Variants in CADPS observed in about 807,000 individuals in gnomAD.
CADPS encodes calcium-dependent secretion activator 1.
A neutral mutation model predicts 167.3 loss-of-function variants in CADPS; 57 were observed. That is an observed-to-expected ratio of 0.34 (90% CI 0.28 to 0.42). The LOEUF is 0.42. Ranked by LOEUF, CADPS falls within the 20% of genes least tolerant of loss-of-function variation. The pLI is 1.00. For missense variants in CADPS, 1,414 were observed against 1,738.1 expected, an observed-to-expected ratio of 0.81 and a Z score of 3.32; for synonymous variants, 676 against 635.3, an observed-to-expected ratio of 1.06 and a Z score of -0.96.
chr3:62,599,443 A>T (rs1486800291), intron 6 of CADPS, among the ~76,000 whole-genome samples: 1 of 129,690 alleles, frequency 7.7e-6, no homozygotes, highest in Non-Finnish European at 1.6e-5. Context: ...TCTGACCTCA[A>T]AGCCCATGCA....
At chr3:62,487,602 T>C (rs2063040855) in intron 21 of CADPS, among the ~76,000 whole-genome samples, 2 of 152,240 alleles carry the variant, frequency 1.3e-5, no homozygotes, top group African/African-American at 4.8e-5. Context: ...GTGTCTGGCT[T>C]AACGGAAACA....
At chr3:62,745,221 C>G (rs1407155064) in intron 3 of CADPS, among the ~76,000 whole-genome samples, 4 of 152,098 alleles carry the variant, frequency 2.6e-5, no homozygotes, top group African/African-American at 7.2e-5. Context: ...TGTGAGCTAC[C>G]ACGCCCAGCT....
intron 9 of CADPS, among the ~76,000 whole-genome samples, chr3:62,559,462 A>G (rs998832755): frequency 2.0e-5 from 3 of 151,960 alleles, no homozygotes; most frequent in African/African-American, 7.3e-5. Flanking sequence ...CTGCATGACA[A>G]TGATCATAGA....
In CADPS at chr3:62,512,675, C is replaced by T. The variant is rs115025015; in HGVS notation, c.2599+76G>A. The T allele has an allele frequency of 7.8e-4, 880 of 1,126,144 alleles. 6 individuals are homozygous for T. In the African/African-American group the frequency reaches 0.012, roughly 15 times the overall value. The allele number at this position is 1,126,144 out of a possible 1,614,324, so 69.8% of individuals were successfully genotyped here. On this transcript the variant is annotated intron_variant, in intron 17 of 29. Transcript: ENST00000383710. ...TCTGGGAGTACAAACCTTAAGGAGC[C>T]ATTGAAAAACAAAAACAAAAACTGA... is the stretch of plus-strand genomic sequence containing the variant.
intron 21 of CADPS, among the ~76,000 whole-genome samples, chr3:62,488,291 T>A (rs921747032): frequency 6.6e-6 from 1 of 152,130 alleles, no homozygotes; most frequent in Non-Finnish European, 1.5e-5. Flanking sequence ...TTATTTCTAT[T>A]CACGTTGTAG....
intron 1 of CADPS, among the ~76,000 whole-genome samples, chr3:62,865,969 T>C (rs578090904): frequency 2.0e-5 from 3 of 152,260 alleles, no homozygotes; most frequent in African/African-American, 7.2e-5. Flanking sequence ...GATGGTAAAT[T>C]AAACAGCCTA....
intron 6 of CADPS, among the ~76,000 whole-genome samples, chr3:62,629,167 T>C (rs562335650): frequency 1.6e-4 from 24 of 152,284 alleles, no homozygotes; most frequent in African/African-American, 4.3e-4. Flanking sequence ...GTTTTAAGTG[T>C]ATAATTCAAT....
intron 3 of CADPS, among the ~76,000 whole-genome samples, chr3:62,723,317 G>T (rs570067671): frequency 6.6e-6 from 1 of 152,270 alleles, no homozygotes; most frequent in African/African-American, 2.4e-5. Context: ...ACCCGAGTGT[G>T]ACCAGGCTCT....
intron 13 of CADPS, among the ~76,000 whole-genome samples, chr3:62,529,190 T>C (rs2151929336): frequency 6.6e-6 from 1 of 152,240 alleles, no homozygotes; most frequent in Non-Finnish European, 1.5e-5. Flanking sequence ...AAGCACTTTG[T>C]AAACTGTAGA....
rs1181900197 is a variant in CADPS, at chr3:62,421,977, C to A, written c.3777+16127G>T. ...TTTACATATTTCTTTTGATAAGCCT[C>A]CTTGCCTGGCTAAGCTTACAAAGAC... On this transcript the variant is annotated intron_variant, in intron 28 of 29. Coordinates refer to ENST00000383710, the MANE Select transcript of CADPS (RefSeq NM_003716.4). This position sits in a 1 kb window ranked among gnomAD's most constrained non-coding sequence, Gnocchi z 4.7. Among the ~76,000 whole-genome samples the A allele has an allele frequency of 3.3e-5, 5 of 152,220 alleles. No individual in the cohort carries two copies. The highest frequency in any genetic ancestry group is 3.3e-4 in the Admixed American group (5 of 15,278).
chr3:62,485,222 T>A (rs1290060485), intron 21 of CADPS, among the ~76,000 whole-genome samples: 1 of 152,010 alleles, frequency 6.6e-6, no homozygotes, highest in Non-Finnish European at 1.5e-5. Context: ...TGAGAATGTA[T>A]CATCTACAGA....
At chr3:62,784,755 CAAAAACAA>C (rs2092234559) in intron 1 of CADPS, among the ~76,000 whole-genome samples, 1 of 17,034 alleles carries the variant, frequency 5.9e-5, no homozygotes. Context: ...AGAATGCAAG[CAAAAACAA>C]AAAAAAAAAA....
chr3:62,747,795 A>G (rs1194195358), intron 3 of CADPS, among the ~76,000 whole-genome samples: 1 of 152,124 alleles, frequency 6.6e-6, no homozygotes, highest in Non-Finnish European at 1.5e-5. Context: ...TGGAGTGTGG[A>G]TGTTATCCCT....
intron 3 of CADPS, among the ~76,000 whole-genome samples, chr3:62,714,930 CA>C (rs2084141648): frequency 6.6e-6 from 1 of 152,184 alleles, no homozygotes; most frequent in South Asian, 2.1e-4. Flanking sequence ...AACAAAGTTT[CA>C]AAAAATTTCC....
chr3:62,674,891 A>G (rs17066793), intron 3 of CADPS, among the ~76,000 whole-genome samples: 10,849 of 152,254 alleles, frequency 0.071, 444 homozygotes, highest in Middle Eastern at 0.099. Flanking sequence ...TCCCATGTCA[A>G]TCATAAGCAA....
chr3:62,430,159 T>C (rs1002534677), intron 28 of CADPS, among the ~76,000 whole-genome samples: 6 of 152,166 alleles, frequency 3.9e-5, no homozygotes. Context: ...TAATGCCCCT[T>C]ATCTTTTTTT....
intron 3 of CADPS, among the ~76,000 whole-genome samples, chr3:62,702,641 G>A (rs2081599601): frequency 6.6e-6 from 1 of 152,032 alleles, no homozygotes; most frequent in Non-Finnish European, 1.5e-5. Context: ...GTCTGTTCTG[G>A]CAATCTCTGT....
chr3:62,781,754 A>C (rs2152661563), intron 1 of CADPS, among the ~76,000 whole-genome samples: 1 of 152,296 alleles, frequency 6.6e-6, no homozygotes, highest in South Asian at 2.1e-4. Context: ...GCAGACGGCA[A>C]GATGGTAGGG....
chr3:62,559,318 T>C (rs1263392041), intron 9 of CADPS, among the ~76,000 whole-genome samples: 1 of 152,140 alleles, frequency 6.6e-6, no homozygotes, highest in Non-Finnish European at 1.5e-5. Context: ...ATCTGATTGG[T>C]TCTAGAAAGT....
Sources: allele counts gnomAD v4.1 joint callset (sites outside exome capture counted in the v4.1 genomes callset), GRCh38; gene constraint gnomAD v4.1.1; non-coding constraint Gnocchi (gnomAD v3.1); transcripts MANE v1.5; gene names NCBI Gene and HGNC (gene_info 2026-07-23, HGNC 2026-07-21).